Variants in CHD8 observed in about 807,000 individuals in gnomAD.
The protein encoded by CHD8 is ATP-dependent chromatin remodeler CHD8.
CHD8 carries 31 observed loss-of-function variants against 279.2 expected under a neutral mutation model. That is an observed-to-expected ratio of 0.11 (90% CI 0.08 to 0.15). The LOEUF (loss-of-function observed/expected upper bound fraction) is 0.15. Ranked by LOEUF, CHD8 falls within the 10% of genes least tolerant of loss-of-function variation. The probability of loss-of-function intolerance (pLI) is 1.00; values close to 1 mark genes in which losing one functional copy is unlikely to be tolerated. For synonymous variants in CHD8, 1,081 were observed against 1,139.6 expected (o/e 0.95, Z 1.04); for missense variants, 2,146 against 3,230.5 (o/e 0.66, Z 8.14).
At chr14:21,428,537 C>T (rs1889425520) in intron 3 of CHD8, among the ~76,000 whole-genome samples, 1 of 152,092 alleles carries the variant, frequency 6.6e-6, no homozygotes, top group African/African-American at 2.4e-5. Flanking sequence ...AACTAATATA[C>T]CCAATATTGG....
At chr14:21,425,121 G>GT (rs947806915) in intron 5 of CHD8, among the ~76,000 whole-genome samples, 2 of 152,044 alleles carry the variant, frequency 1.3e-5, no homozygotes, top group African/African-American at 4.8e-5. Context: ...TCTTCAAAAC[G>GT]TAGCAAGAAA....
At chr14:21,406,738 C>G in intron 14 of CHD8, 118 bp downstream of exon 14, 1 of 854,284 alleles carries the variant, frequency 1.2e-6, no homozygotes, top group Non-Finnish European at 1.7e-6. Context: ...AGGTCATCCC[C>G]ACTGTTCAAT....
intron 3 of CHD8, 145 bp from the exon 4 acceptor site, chr14:21,428,399 T>A (rs1889418897): frequency 1.4e-6 from 1 of 734,150 alleles, no homozygotes. Flanking sequence ...AACCTACACC[T>A]ACTTTTTAAA....
At chr14:21,394,609 A>AG (rs1489638823) in intron 30 of CHD8, 124 bp from the exon 31 acceptor site, 2 of 491,268 alleles carry the variant, frequency 4.1e-6, no homozygotes, top group Admixed American at 3.9e-5. Flanking sequence ...TAGACGCAAA[A>AG]AAAAAAAAAA....
Position 21,401,955 on chromosome 14 carries a change from G to A in CHD8, c.4062+2C>T, listed in dbSNP as rs1459541886. On this transcript the variant is annotated splice_donor_variant, in intron 20 of 37. Transcript: ENST00000646647. LOFTEE classifies it low-confidence loss of function (GC_TO_GT_DONOR). ...CTAGCCTCTGGCATAGACAGAACAT[G>A]CCTTAGCAAAGGTGGAACCTTTTCC... is the stretch of plus-strand genomic sequence containing the variant. 1.2e-6 allele frequency: 2 copies of A among 1,610,104 alleles called. No homozygotes were observed. The highest frequency in any genetic ancestry group is 2.7e-5 in the African/African-American group (2 of 74,604).
chr14:21,390,785 C>CA (rs1214159048), intron 37 of CHD8, among the ~76,000 whole-genome samples, 162 bp downstream of exon 37: 1 of 147,950 alleles, frequency 6.8e-6, no homozygotes, highest in African/African-American at 2.5e-5. Context: ...AAAAAAAAAA[C>CA]CCCAGAAAAC....
Position 21,421,038 on chromosome 14 carries a change from G to A in CHD8, c.1716+5090C>T, listed in dbSNP as rs150118599. ...CGGCCTCCCAAGTGCTGGGATTACC[G>A]GCATGAGCCACCGCACCTGGCCTCA... On this transcript the variant is annotated intron_variant, in intron 5 of 37. Transcript: ENST00000646647. Among the ~76,000 whole-genome samples the A allele has an allele frequency of 7.0e-3, 1,066 of 152,254 alleles. 10 individuals are homozygous for A. Among genetic ancestry groups the A allele is most frequent in the African/African-American group, 0.024 (993 of 41,524 alleles).
At position 21,400,815 on chromosome 14, in the gene CHD8, A is replaced by C; in HGVS notation, c.4370+60T>G. On this transcript the variant is annotated intron_variant, in intron 22 of 37. Transcript: ENST00000646647. This position sits in a 1 kb window ranked among gnomAD's most constrained non-coding sequence, Gnocchi z 4.2. ...CCCCCAATTTGAAAGGCAAACCAAGAGTATCTATCAGGATGGAGATGCACT... is the reference window on the plus strand; with the variant it reads ...CCCCCAATTTGAAAGGCAAACCAAGCGTATCTATCAGGATGGAGATGCACT... 2.0e-6 allele frequency: 3 copies of C among 1,473,984 alleles called. No homozygotes were observed. The highest frequency in any genetic ancestry group is 2.7e-6 in the Non-Finnish European group (3 of 1,094,584). 91.3% of individuals were successfully genotyped at this position (1,473,984 alleles called of 1,614,324 possible). A position where few individuals can be genotyped will look rare whatever the true frequency, so the allele number is the denominator to read the frequency against.
chr14:21,415,390 C>T (rs1888669386), intron 7 of CHD8, 184 bp downstream of exon 7: 2 of 341,414 alleles, frequency 5.9e-6, no homozygotes, highest in Non-Finnish European at 1.0e-5. Flanking sequence ...GTCCCAGATA[C>T]TCAGGAGGCT....
chr14:21,425,323 A>AT (rs991576091), intron 5 of CHD8: 4,527 of 131,436 alleles, frequency 0.034, 206 homozygotes, highest in African/African-American at 0.099. Flanking sequence ...GAGTATTGCT[A>AT]TTTTTTTTTT....
Position 21,405,731 on chromosome 14 carries a change from G to C in CHD8, c.3041C>G (p.Thr1014Arg). 1 of 1,613,770 alleles carries C rather than the reference G, an allele frequency of 6.2e-7. No homozygotes were observed. Among genetic ancestry groups the C allele is most frequent in the Non-Finnish European group, 8.5e-7 (1 of 1,179,812 alleles). Residue 1014 changes from threonine to arginine, a missense_variant, in exon 15 of 38, where the codon ACA becomes AGA. By Grantham distance (71) the Thr-to-Arg change is moderately conservative (BLOSUM62 -1). This residue lies in a region of CHD8 where 211 missense variants were observed against 464.7 expected (regional missense o/e 0.45). Coordinates refer to ENST00000646647, the MANE Select transcript of CHD8 (RefSeq NM_001170629.2). This position sits in a 1 kb window ranked among gnomAD's most constrained non-coding sequence, Gnocchi z 4.2. ...AGATAGATTTCCTACCTGTTCCTCT[G>C]TCTTGAGATCCCCAAAGTCCTTGAG... is the stretch of plus-strand genomic sequence containing the variant. ...EFLKDFGDLK[T>R]EEQVQKLQAI...
chr14:21,431,479 A>C lies in CHD8; in HGVS notation c.165T>G (p.Gly55=). ...TTGCTGATGAATTCCCCACATCACCACCTCCACCATCCTGGTTCATCTGAT... is the reference window on the plus strand; with the variant it reads ...TTGCTGATGAATTCCCCACATCACCCCCTCCACCATCCTGGTTCATCTGAT... ...SLDQMNQDGG[G]GDVGNSSASE... is the part of the protein sequence containing the mutation. Residue 55 remains glycine, a synonymous_variant, in exon 2 of 38, where the codon GGT becomes GGG. Coordinates refer to ENST00000646647, the MANE Select transcript of CHD8 (RefSeq NM_001170629.2). 6.5e-7 allele frequency: 1 copy of C among 1,537,020 alleles called. No individual in the cohort carries two copies. Among genetic ancestry groups the C allele is most frequent in the Non-Finnish European group, 8.7e-7 (1 of 1,146,848 alleles).
At chr14:21,418,477 G>A (rs944557606) in intron 5 of CHD8, among the ~76,000 whole-genome samples, 15 of 151,556 alleles carry the variant, frequency 9.9e-5, no homozygotes, top group African/African-American at 3.6e-4. Context: ...CCAAGATCAC[G>A]CCACTGCACT....
intron 20 of CHD8, 104 bp from the exon 21 acceptor site, chr14:21,401,617 C>T: frequency 1.4e-6 from 1 of 723,436 alleles, no homozygotes; most frequent in Non-Finnish European, 2.2e-6. Flanking sequence ...CACAGTCTTG[C>T]TCTGTTGCCC....
intron 1 of CHD8, chr14:21,437,240 A>T: frequency 8.5e-7 from 1 of 1,176,506 alleles, no homozygotes; most frequent in Non-Finnish European, 1.1e-6. Flanking sequence ...CTGTCTCTCC[A>T]GCACCAGTTC....
chr14:21,401,531 C>A lies in CHD8; in HGVS notation c.4063-18G>T. The A allele has an allele frequency of 1.4e-6, 2 of 1,442,862 alleles. No homozygotes were observed. The highest frequency in any genetic ancestry group is 1.9e-6 in the Non-Finnish European group (2 of 1,079,058). The allele number at this position is 1,442,862 out of a possible 1,614,324, so 89.4% of individuals were successfully genotyped here. A position where few individuals can be genotyped will look rare whatever the true frequency, so the allele number is the denominator to read the frequency against. On this transcript the variant is annotated intron_variant, in intron 20 of 37. Transcript: ENST00000646647. ...AAGCTTGCCTAGAGAAAAACAAATG[C>A]AGAGGTAAAGCTGACTTTTTTTTTT...
At chr14:21,406,542 C>T (rs563531961) in intron 14 of CHD8, among the ~76,000 whole-genome samples, 2 of 152,164 alleles carry the variant, frequency 1.3e-5, no homozygotes, top group Non-Finnish European at 2.9e-5. Flanking sequence ...CTGAACTCAG[C>T]CTAAGTGGTT....
chr14:21,401,176 C>T, intron 21 of CHD8, 105 bp from the exon 22 acceptor site: 1 of 955,696 alleles, frequency 1.0e-6, no homozygotes, highest in Non-Finnish European at 1.5e-6. Flanking sequence ...CGTGTAGATA[C>T]TCAGAGATTT....
At position 21,397,403 on chromosome 14, in the gene CHD8, AT is replaced by A. The variant is rs566796128; in HGVS notation, c.5051+419del. 2.1e-4 allele frequency: 108 copies of A among 516,206 alleles called. 1 individual carries two copies. Among genetic ancestry groups the A allele is most frequent in the South Asian group, 1.4e-3 (101 of 71,340 alleles). The allele number at this position is 516,206 out of a possible 1,614,324, so 32.0% of individuals were successfully genotyped here. A position where few individuals can be genotyped will look rare whatever the true frequency, so the allele number is the denominator to read the frequency against. ...TAGCATGGCAACTCATCATTGGGAC[AT>A]GTTTTCAGGCAAAATAAGTACCTTT... On this transcript the variant is annotated intron_variant, in intron 27 of 37. Transcript: ENST00000646647.
Sources: gnomAD v4.1 joint callset for allele counts (sites outside exome capture counted in the v4.1 genomes callset) on GRCh38, gnomAD v4.1.1 for gene constraint, gnomAD v4.1.1 regional missense constraint, Gnocchi (gnomAD v3.1) non-coding constraint, MANE v1.5 for transcripts, NCBI Gene and HGNC (gene_info 2026-07-23, HGNC 2026-07-21) for gene names.